Variants in GSTA5 observed in about 807,000 individuals in gnomAD.
The protein encoded by GSTA5 is glutathione S-transferase A5.
Under a neutral mutation model 21.8 loss-of-function variants are expected in GSTA5, and 25 were observed. The observed-to-expected ratio is 1.14, with a 90% CI of 0.83 to 1.60. The LOEUF (loss-of-function observed/expected upper bound fraction) is 1.60. Ranked by LOEUF, GSTA5 falls within the 40% of genes most tolerant of loss-of-function variation. The probability of loss-of-function intolerance (pLI) is 0.00; values close to 1 mark genes in which losing one functional copy is unlikely to be tolerated. For missense variants in GSTA5, 330 were observed against 259.2 expected (o/e 1.27, Z -1.88); for synonymous variants, 102 against 89.5 (o/e 1.14, Z -0.78).
chr6:52,832,600 G>A (rs1468253435), intron 5 of GSTA5, among the ~76,000 whole-genome samples: 4 of 152,184 alleles, frequency 2.6e-5, no homozygotes, highest in East Asian at 3.8e-4. Context: ...GGGATGGGAA[G>A]AGCTGCTGGG....
chr6:52,837,013 C>T (rs1581816920), intron 2 of GSTA5, among the ~76,000 whole-genome samples: 1 of 152,136 alleles, frequency 6.6e-6, no homozygotes, highest in African/African-American at 2.4e-5. Flanking sequence ...GCAACAGGTG[C>T]CATTTAAAAT....
Position 52,837,623 on chromosome 6 carries a change from C to G in GSTA5, c.88-14G>C, listed in dbSNP as rs772968751. 20 of 1,591,602 alleles carry G rather than the reference C, an allele frequency of 1.3e-5. No homozygotes were observed. The highest frequency in any genetic ancestry group is 1.7e-5 in the Non-Finnish European group (20 of 1,160,362). ...TTTCTCTTCCAACTGGAAGCAGAAA[C>G]AGTAAATGGGTTCTTCTTAGTTAAT... On this transcript the variant is annotated splice_polypyrimidine_tract_variant and intron_variant, in intron 1 of 5. Transcript: ENST00000370989.
intron 5 of GSTA5, among the ~76,000 whole-genome samples, 191 bp from the exon 6 acceptor site, chr6:52,832,161 C>T (rs540733132): frequency 6.6e-6 from 1 of 152,298 alleles, no homozygotes; most frequent in African/African-American, 2.4e-5. Context: ...ACTTTATTTT[C>T]CCCAAAGATG....
intron 1 of GSTA5, among the ~76,000 whole-genome samples, chr6:52,838,238 G>A (rs1181153290): frequency 1.3e-5 from 2 of 152,126 alleles, no homozygotes; most frequent in Non-Finnish European, 2.9e-5. Flanking sequence ...AAAACCTCTG[G>A]TTTCTGATGT....
intron 5 of GSTA5, among the ~76,000 whole-genome samples, chr6:52,832,530 G>A (rs1561925334): frequency 6.6e-6 from 1 of 152,102 alleles, no homozygotes; most frequent in Admixed American, 6.5e-5. Context: ...GAAGACAAGG[G>A]CACATGTGGG....
chr6:52,832,964 G>A (rs1196874970), exon 5 of GSTA5: 2 of 1,613,994 alleles, frequency 1.2e-6, no homozygotes, highest in African/African-American at 1.3e-5. Context: ...TGCCAACAAG[G>A]TAGTCTTGTC....
upstream of GSTA5, among the ~76,000 whole-genome samples, chr6:52,844,993 T>C (rs1764433901): frequency 6.6e-6 from 1 of 152,224 alleles, no homozygotes; most frequent in Non-Finnish European, 1.5e-5. Context: ...GTAATCTGTC[T>C]GTCTCTTCAT....
intron 4 of GSTA5, among the ~76,000 whole-genome samples, chr6:52,833,202 T>C (rs1326834643): frequency 6.6e-6 from 1 of 152,166 alleles, no homozygotes; most frequent in African/African-American, 2.4e-5. Flanking sequence ...GGCTACCATT[T>C]TCTCTTCTCA....
chr6:52,843,060 G>T (rs1764403669), upstream of GSTA5, among the ~76,000 whole-genome samples: 4 of 152,278 alleles, frequency 2.6e-5, 1 homozygote, highest in Admixed American at 2.6e-4. Flanking sequence ...CATCATCCAT[G>T]TCCCTGCAAA....
chr6:52,844,637 C>T (rs1449265397), upstream of GSTA5, among the ~76,000 whole-genome samples: 1 of 152,182 alleles, frequency 6.6e-6, no homozygotes, highest in Non-Finnish European at 1.5e-5. Flanking sequence ...TTACAAGGTT[C>T]ATAAAAGCTG....
chr6:52,839,988 G>T (rs1185372379), intron 1 of GSTA5, among the ~76,000 whole-genome samples: 3 of 152,198 alleles, frequency 2.0e-5, no homozygotes, highest in Middle Eastern at 3.2e-3. Context: ...TACAGAACCT[G>T]GAATTAATAA....
chr6:52,845,921 C>A, the GSTA5 span: 1 of 152,706 alleles, frequency 6.5e-6, no homozygotes, highest in African/African-American at 2.4e-5. Flanking sequence ...TGAACTGTCA[C>A]CCAAACACAC....
At chr6:52,837,536 GT>G in intron 2 of GSTA5, 21 bp downstream of exon 2, 1 of 1,530,854 alleles carries the variant, frequency 6.5e-7, no homozygotes, top group Non-Finnish European at 9.0e-7. Flanking sequence ...TCTCATCAGA[GT>G]TACTTAGAGA....
chr6:52,834,309 C>CA, intron 3 of GSTA5, 27 bp from the exon 4 acceptor site: 1 of 1,592,514 alleles, frequency 6.3e-7, no homozygotes, highest in Non-Finnish European at 8.5e-7. Context: ...ACCAAACCAT[C>CA]AAATGCCTTT....
intron 4 of GSTA5, 41 bp downstream of exon 4, chr6:52,834,100 T>C: frequency 1.2e-6 from 2 of 1,613,036 alleles, no homozygotes; most frequent in Non-Finnish European, 1.7e-6. Context: ...TCTACTGGTG[T>C]CTAAACTCAG....
chr6:52,834,366 C>G, intron 3 of GSTA5, 84 bp from the exon 4 acceptor site: 1 of 1,365,878 alleles, frequency 7.3e-7, no homozygotes, highest in East Asian at 2.3e-5. Flanking sequence ...AATAGAGGGT[C>G]AGATGGTGGC....
At chr6:52,838,462 T>C (rs1017232141) in intron 1 of GSTA5, among the ~76,000 whole-genome samples, 11 of 152,226 alleles carry the variant, frequency 7.2e-5, no homozygotes, top group Admixed American at 5.2e-4. Flanking sequence ...ATATAAGTTA[T>C]GTTTAGAATT....
rs532082991 is a variant in GSTA5, at chr6:52,833,558, C to T, written c.415-568G>A. 2.5e-4 allele frequency among the ~76,000 whole-genome samples: 38 copies of T among 152,266 alleles called. No individual in the cohort carries two copies. The South Asian group carries it at 6.2e-3, about 25-fold the overall frequency. On this transcript the variant is annotated intron_variant, in intron 4 of 5. Transcript: ENST00000370989. ...TACAGCATCGACTCTGGTTCCTAAC[C>T]GGCACTCTGTTATAATTTGCAAGCT...
intron 2 of GSTA5, 68 bp downstream of exon 2, chr6:52,837,490 G>A: frequency 1.0e-6 from 1 of 994,012 alleles, no homozygotes. Context: ...GGTATTCCTG[G>A]CTGCTCAACG....
Sources: gnomAD v4.1 joint callset for allele counts (sites outside exome capture counted in the v4.1 genomes callset) on GRCh38, gnomAD v4.1.1 for gene constraint, MANE v1.5 for transcripts, NCBI Gene and HGNC (gene_info 2026-07-23, HGNC 2026-07-21) for gene names.